RNH1: variants seen among roughly 807,000 people sequenced by gnomAD.
RNH1 encodes ribonuclease inhibitor.
A neutral mutation model predicts 46.1 loss-of-function variants in RNH1; 38 were observed. That is an observed-to-expected ratio of 0.82 (90% CI 0.64 to 1.08). The LOEUF (loss-of-function observed/expected upper bound fraction) is 1.08, where lower values mean the gene tolerates loss of function less well. Among genes scored for constraint, RNH1 ranks in the 50% least tolerant of loss-of-function variants. The probability of loss-of-function intolerance (pLI) is 0.00; values close to 1 mark genes in which losing one functional copy is unlikely to be tolerated. For missense variants in RNH1, 577 were observed against 590.7 expected (o/e 0.98, Z 0.24); for synonymous variants, 319 against 279.1 (o/e 1.14, Z -1.43).
chr11:495,122 C>G, intron 9 of RNH1, 69 bp from the exon 10 acceptor site: 5 of 1,508,046 alleles, frequency 3.3e-6, no homozygotes, highest in Non-Finnish European at 4.5e-6. Context: ...CAGAGCAGGC[C>G]TGGGCCTGGG....
In RNH1 at chr11:494,765, A is replaced by T. The variant is rs1022792844; in HGVS notation, c.1312T>A (p.Tyr438Asn). 25 of 1,613,826 alleles carry T rather than the reference A, an allele frequency of 1.5e-5. No individual in the cohort carries two copies. Among genetic ancestry groups the T allele is most frequent in the Non-Finnish European group, 2.1e-5 (25 of 1,179,980 alleles). ...LLEQLVLYDI[Y>N]WSEEMEDRLQ... Reference sequence around the variant, plus strand: ...CGGTCCTCCATCTCCTCAGACCAGTAAATGTCGTACAGGCTGCACACAGGC... The same window carrying T: ...CGGTCCTCCATCTCCTCAGACCAGTTAATGTCGTACAGGCTGCACACAGGC... Residue 438 changes from tyrosine to asparagine, a missense_variant, in exon 11 of 11, where the codon TAC becomes AAC. Transcript: ENST00000354420.
rs1158847919 is a variant in RNH1, at chr11:498,101, A to G, written c.997T>C (p.Phe333Leu). 1 of 1,614,054 alleles carries G rather than the reference A, an allele frequency of 6.2e-7. No individual in the cohort carries two copies. Among genetic ancestry groups the G allele is most frequent in the East Asian group, 2.2e-5 (1 of 44,892 alleles). The part of the protein sequence containing the change: ...CSFTAACCSH[F>L]SSVLAQNRFL... ...CTGTTCTGGGCCAGCACTGAGCTGA[A>G]GTGGGAGCAGCAGGCGGCTGTGAAG... Residue 333 changes from phenylalanine (F) to leucine (L), a missense_variant, in exon 9 of 11, where the codon TTC becomes CTC. Transcript: ENST00000354420.
In RNH1 at chr11:498,157, G is replaced by A; in HGVS notation, c.957-16C>T. 2 of 1,605,596 alleles carry A rather than the reference G, an allele frequency of 1.2e-6. No homozygotes were observed. Among genetic ancestry groups the A allele is most frequent in the Non-Finnish European group, 1.7e-6 (2 of 1,175,240 alleles). On this transcript the variant is annotated splice_polypyrimidine_tract_variant and intron_variant, in intron 8 of 10. Transcript: ENST00000354420. ...GGACTTCACCCTGTGGACACAGACA[G>A]GACTGACGCCTGGCAGGGGCCCAGG...
In RNH1 at chr11:499,075, G is replaced by A. The variant is rs777221861; in HGVS notation, c.554C>T (p.Ala185Val). ...LTVSNNDINE[A>V]GVRVLCQGLK... is the part of the protein sequence containing the mutation. ...GCCCTGGCACAGCACACGGACGCCA[G>A]CCTCATTGATGTCGTTGTTGCTAAC... The change falls in exon 6 of 11, where the codon GCT (alanine) becomes GTT (valine). Residue 185 changes from alanine to valine, a missense_variant. Transcript: ENST00000354420. The A allele has an allele frequency of 1.9e-6, 3 of 1,613,500 alleles. No homozygotes were observed. Among genetic ancestry groups the A allele is most frequent in the Admixed American group, 1.7e-5 (1 of 60,026 alleles).
intron 5 of RNH1, chr11:499,497 C>T (rs1384110848): frequency 2.9e-6 from 2 of 694,596 alleles, no homozygotes; most frequent in Middle Eastern, 2.3e-4. Flanking sequence ...CTCACAATGG[C>T]CGGGTCCCCC....
chr11:499,465 G>C (rs1192224180), intron 5 of RNH1: 6 of 686,660 alleles, frequency 8.7e-6, no homozygotes, highest in Admixed American at 2.0e-5. Flanking sequence ...AGGGCCACCT[G>C]CACGTCCCAG....
At position 497,951 on chromosome 11, in the gene RNH1, C is replaced by T. The variant is rs769016598; in HGVS notation, c.1127+20G>A. 1.3e-5 allele frequency: 21 copies of T among 1,606,360 alleles called. 1 individual carries two copies. The highest frequency in any genetic ancestry group is 6.7e-5 in the East Asian group (3 of 44,858). On this transcript the variant is annotated intron_variant, in intron 9 of 10. Coordinates refer to ENST00000354420, the MANE Select transcript of RNH1 (RefSeq NM_203387.3). The stretch of plus-strand genomic sequence containing the variant: ...ATATGATCTCCCAAATGTGCATACT[C>T]GTGTCCCTCACACACTCACCAGAGC...
rs1254849157 is a variant in RNH1, at chr11:507,167, A to G, written c.-315T>C. ...CTGGAGACCCAGAGCGAGACGGCCT[A>G]CTTCGTTCTCGAGCCAGCAGAACGG... On this transcript the variant is annotated 5_prime_UTR_variant, in exon 1 of 11. Transcript: ENST00000354420. The G allele has an allele frequency of 1.3e-5, 2 of 152,102 alleles. No homozygotes were observed. The highest frequency in any genetic ancestry group is 2.4e-5 in the African/African-American group (1 of 41,394). The allele number at this position is 152,102 out of a possible 1,614,324, so 9.4% of individuals were successfully genotyped here.
intron 9 of RNH1, among the ~76,000 whole-genome samples, chr11:496,271 C>T (rs1453109883): frequency 1.3e-5 from 2 of 152,164 alleles, no homozygotes; most frequent in East Asian, 3.8e-4. Context: ...CAGTGGCTCA[C>T]GCCTGTAATC....
chr11:500,166 G>A, intron 4 of RNH1, 167 bp from the exon 5 acceptor site: 1 of 803,400 alleles, frequency 1.2e-6, no homozygotes, highest in Non-Finnish European at 1.9e-6. Context: ...AGTGAAGGAG[G>A]GCACGCATGT....
At chr11:496,520 T>C (rs965832111) in intron 9 of RNH1, among the ~76,000 whole-genome samples, 13 of 152,134 alleles carry the variant, frequency 8.5e-5, no homozygotes, top group Non-Finnish European at 1.9e-4. Context: ...GTACAAAAAA[T>C]TAGCCTGGTG....
In RNH1 at chr11:494,942, G is replaced by T. The variant is rs7983; in HGVS notation, c.1239C>A (p.Ala413=). Residue 413 remains alanine, a synonymous_variant, in exon 10 of 11, where the codon GCC becomes GCA. Transcript: ENST00000354420. ...LDLSNNCLGD[A]GILQLVESVR... ...CGCTCTCCACCAGCTGCAGGATGCCGGCGTCCCCCAGGCAGTTGTTGCTGA... is the reference window on the plus strand; with the variant it reads ...CGCTCTCCACCAGCTGCAGGATGCCTGCGTCCCCCAGGCAGTTGTTGCTGA... 10 of 1,607,364 alleles carry T rather than the reference G, an allele frequency of 6.2e-6. No homozygotes were observed. Among genetic ancestry groups the T allele is most frequent in the Admixed American group, 5.1e-5 (3 of 58,930 alleles).
rs529423201 is a variant in RNH1 at position 496,041 on chromosome 11, C to G, written c.1128-988G>C. Among the ~76,000 whole-genome samples, 64 of 150,146 alleles carry G rather than the reference C, an allele frequency of 4.3e-4. No homozygotes were observed. The Middle Eastern group carries it at 0.017, about 40-fold the overall frequency. On this transcript the variant is annotated intron_variant, in intron 9 of 10. Coordinates refer to ENST00000354420, the MANE Select transcript of RNH1 (RefSeq NM_203387.3). The stretch of plus-strand genomic sequence containing the variant: ...GGAGAACATAATTAGAGGGTCACTC[C>G]ACAAGACATCAGGACAGGCTCATGG...
In RNH1 at chr11:499,770, G is replaced by C. The variant is rs1849569543; in HGVS notation, c.443+59C>G. Reference sequence around the variant, plus strand: ...CCTGGCAGGCGATGTTCTATGTAGGGGGCTGGCTGGGGGACAGGCAGCGGC... The same window carrying C: ...CCTGGCAGGCGATGTTCTATGTAGGCGGCTGGCTGGGGGACAGGCAGCGGC... On this transcript the variant is annotated intron_variant, in intron 5 of 10. Transcript: ENST00000354420. The C allele has an allele frequency of 3.2e-6, 5 of 1,569,982 alleles. No homozygotes were observed. The East Asian group carries it at 1.1e-4, about 35-fold the overall frequency.
intron 8 of RNH1, 25 bp downstream of exon 8, chr11:498,432 G>A (rs898279283): frequency 6.2e-7 from 1 of 1,608,896 alleles, no homozygotes; most frequent in Non-Finnish European, 8.5e-7. Flanking sequence ...GGGCGACAGG[G>A]CCCTGCCCCG....
intron 9 of RNH1, among the ~76,000 whole-genome samples, chr11:496,154 G>A (rs1408528621): frequency 1.3e-5 from 2 of 152,086 alleles, no homozygotes; most frequent in African/African-American, 2.4e-5. Flanking sequence ...CCAGCACAAA[G>A]AACCAAGACC....
At chr11:496,883 G>T (rs1342869228) in intron 9 of RNH1, among the ~76,000 whole-genome samples, 1 of 152,284 alleles carries the variant, frequency 6.6e-6, no homozygotes, top group African/African-American at 2.4e-5. Context: ...AGGTGGGCGG[G>T]GCTTCCAGGA....
chr11:498,580 C>T lies in RNH1; in HGVS notation c.833G>A (p.Arg278His), dbSNP rs553116541. Residue 278 changes from arginine to histidine, a missense_variant, in exon 8 of 11, where the codon CGT becomes CAT. Coordinates refer to ENST00000354420, the MANE Select transcript of RNH1 (RefSeq NM_203387.3). ...CAGGCTCTCCTTGGCCCTGAGGACA[C>T]GGCACAGATCCCCGCAGCCCTTGGC... ...ITAKGCGDLC[R>H]VLRAKESLKE... 2.4e-5 allele frequency: 39 copies of T among 1,612,908 alleles called. No individual in the cohort carries two copies. The highest frequency in any genetic ancestry group is 6.6e-5 in the South Asian group (6 of 91,088).
Position 499,964 on chromosome 11 carries a change from C to T in RNH1, c.308G>A (p.Gly103Glu), listed in dbSNP as rs758498932. The change falls in exon 5 of 11, where the codon GGG becomes GAG. Residue 103 changes from glycine to glutamate, a missense_variant. Coordinates refer to ENST00000354420, the MANE Select transcript of RNH1 (RefSeq NM_203387.3). ...QNCCLTGAGC[G>E]VLSSTLRTLP... ...GGTGCGTAGTGTGCTGGACAGGACC[C>T]CGCAGCCGGCCCCCGTCAGGCAGCA... is the stretch of plus-strand genomic sequence containing the variant. 5 of 1,595,992 alleles carry T rather than the reference C, an allele frequency of 3.1e-6. No individual in the cohort carries two copies. The highest frequency in any genetic ancestry group is 4.6e-5 in the East Asian group (2 of 43,936).
Sources: gnomAD v4.1 joint callset for allele counts (sites outside exome capture counted in the v4.1 genomes callset) on GRCh38, gnomAD v4.1.1 for gene constraint, MANE v1.5 for transcripts, NCBI Gene and HGNC (gene_info 2026-07-23, HGNC 2026-07-21) for gene names.